Variants in TRPM1 observed in about 807,000 individuals in gnomAD.
TRPM1 encodes TRPM1-203 APA Isoform, Intron 10.
TRPM1 carries 113 observed loss-of-function variants against 149.4 expected under a neutral mutation model. The ratio of observed to expected loss-of-function variants is 0.76; its 90% CI spans 0.65 to 0.88. The LOEUF is 0.88. Among genes scored for constraint, TRPM1 ranks in the 40% least tolerant of loss-of-function variants. The pLI is 0.00. For missense variants in TRPM1, 1,976 were observed against 2,038.7 expected, an observed-to-expected ratio of 0.97 and a Z score of 0.59; for synonymous variants, 741 against 759.5, an observed-to-expected ratio of 0.98 and a Z score of 0.40.
intron 1 of TRPM1, among the ~76,000 whole-genome samples, chr15:31,098,894 C>T (rs1363547636): frequency 4.6e-5 from 7 of 152,000 alleles, no homozygotes; most frequent in African/African-American, 1.4e-4. Flanking sequence ...AGGTGCACAG[C>T]GACAAGGTCT....
chr15:31,117,525 G>T (rs2035816218), intron 1 of TRPM1, among the ~76,000 whole-genome samples: 1 of 151,974 alleles, frequency 6.6e-6, no homozygotes, highest in South Asian at 2.1e-4. Flanking sequence ...GTGCAAGCCT[G>T]TAGTCCCAGC....
intron 7 of TRPM1, 120 bp from the exon 8 acceptor site, chr15:31,063,412 G>C: frequency 1.6e-6 from 2 of 1,287,416 alleles, no homozygotes; most frequent in Non-Finnish European, 2.2e-6. Context: ...GTTCTATCTG[G>C]CTGGAAGGAA....
chr15:31,148,959 G>A (rs1596103079), intron 1 of TRPM1, among the ~76,000 whole-genome samples: 1 of 152,326 alleles, frequency 6.6e-6, no homozygotes, highest in East Asian at 1.9e-4. Context: ...CAGATGCCCT[G>A]CACAGCACAC....
Position 31,040,919 on chromosome 15 carries a change from C to G in TRPM1, c.2088-573G>C, listed in dbSNP as rs59260962. 2.2e-3 allele frequency among the ~76,000 whole-genome samples: 332 copies of G among 152,290 alleles called. 1 individual carries two copies. The highest frequency in any genetic ancestry group is 7.6e-3 in the African/African-American group (315 of 41,540). On this transcript the variant is annotated intron_variant, in intron 17 of 27. Coordinates refer to ENST00000256552, the MANE Select transcript of TRPM1 (RefSeq NM_001252024.2). This position sits in a 1 kb window ranked among gnomAD's most constrained non-coding sequence, Gnocchi z 4.2. Reference sequence around the variant, plus strand: ...TATGCCTTTCTCTGCCCGTGTAACACTTCACCATCACAGTGATTACAGAGA... The same window carrying G: ...TATGCCTTTCTCTGCCCGTGTAACAGTTCACCATCACAGTGATTACAGAGA...
chr15:31,025,776 T>C (rs1259835140), intron 27 of TRPM1, among the ~76,000 whole-genome samples: 1 of 152,182 alleles, frequency 6.6e-6, no homozygotes, highest in Non-Finnish European at 1.5e-5. Context: ...GGCAGTCCCC[T>C]GGGGAGGACC....
At chr15:31,050,351 T>C (rs1298401092) in intron 12 of TRPM1, 58 bp downstream of exon 12, 13 of 1,611,610 alleles carry the variant, frequency 8.1e-6, no homozygotes, top group Non-Finnish European at 1.1e-5. Flanking sequence ...ACAAGAACCA[T>C]CCCTTCCCCT....
At chr15:31,088,854 G>A (rs923972753) in intron 1 of TRPM1, among the ~76,000 whole-genome samples, 1 of 117,314 alleles carries the variant, frequency 8.5e-6, no homozygotes, top group African/African-American at 3.2e-5. Flanking sequence ...GATAAGCCCT[G>A]CTGCGGGTAT....
intron 1 of TRPM1, among the ~76,000 whole-genome samples, chr15:31,099,166 G>A (rs1596070863): frequency 6.6e-6 from 1 of 152,154 alleles, no homozygotes; most frequent in Non-Finnish European, 1.5e-5. Context: ...ACCCATGGCT[G>A]AGTCTAACCT....
chr15:31,046,291 G>T, intron 15 of TRPM1, 58 bp from the exon 16 acceptor site: 1 of 1,491,416 alleles, frequency 6.7e-7, no homozygotes, highest in Non-Finnish European at 9.3e-7. Context: ...AATGTTAGTA[G>T]TACATTAGCA....
At chr15:31,112,426 C>T (rs184066487) in intron 1 of TRPM1, among the ~76,000 whole-genome samples, 190 of 152,220 alleles carry the variant, frequency 1.2e-3, no homozygotes, top group Non-Finnish European at 1.5e-3. Flanking sequence ...TGTGGTGAGC[C>T]GAGATCGTGC....
chr15:31,125,724 C>G (rs1215892082), intron 1 of TRPM1, among the ~76,000 whole-genome samples: 1 of 56,528 alleles, frequency 1.8e-5, no homozygotes, highest in Non-Finnish European at 3.0e-5. Flanking sequence ...AGCGAGACTC[C>G]GTCTCAAAAA....
chr15:31,082,036 C>A (rs964341060), intron 1 of TRPM1, among the ~76,000 whole-genome samples: 3 of 152,140 alleles, frequency 2.0e-5, no homozygotes, highest in Non-Finnish European at 2.9e-5. Flanking sequence ...AATGGCTGAA[C>A]CCACCCTGAC....
chr15:31,147,730 C>T (rs1442891783), intron 1 of TRPM1, among the ~76,000 whole-genome samples: 1 of 152,194 alleles, frequency 6.6e-6, no homozygotes, highest in Admixed American at 6.5e-5. Context: ...TAGACATTTA[C>T]CTGTGTTCAT....
At chr15:31,051,599 A>G (rs1045863270) in intron 11 of TRPM1, among the ~76,000 whole-genome samples, 2 of 152,014 alleles carry the variant, frequency 1.3e-5, no homozygotes, top group African/African-American at 4.8e-5. Flanking sequence ...TCTGGCCACT[A>G]CTTCTCAGTG....
rs1336677753 is a variant in TRPM1, at chr15:31,037,691, T to C, written c.2571+20A>G. 1.2e-6 allele frequency: 2 copies of C among 1,614,230 alleles called. No individual in the cohort carries two copies. The highest frequency in any genetic ancestry group is 1.7e-6 in the Non-Finnish European group (2 of 1,180,026). ...CATTCAAAATATACTGAATGTCAAA[T>C]GTTCAGGAGGAGGCCTCACTGTGTA... On this transcript the variant is annotated intron_variant, in intron 20 of 27. Transcript: ENST00000256552.
chr15:31,056,224 G>A (rs1045705121), intron 11 of TRPM1, among the ~76,000 whole-genome samples: 1 of 152,072 alleles, frequency 6.6e-6, no homozygotes, highest in East Asian at 1.9e-4. Context: ...CCAGATGAAG[G>A]GAAAGAGATA....
intron 1 of TRPM1, among the ~76,000 whole-genome samples, chr15:31,117,987 G>A (rs1202797253): frequency 3.9e-5 from 6 of 152,154 alleles, no homozygotes; most frequent in South Asian, 2.1e-4. Context: ...CAGGCTGGGC[G>A]CAGTGGCTCA....
At chr15:31,129,368 AT>A (rs763186611) in intron 1 of TRPM1, among the ~76,000 whole-genome samples, 5 of 152,174 alleles carry the variant, frequency 3.3e-5, no homozygotes, top group Non-Finnish European at 7.3e-5. Context: ...ACTTTGGGTC[AT>A]TTGGTGGGAC....
chr15:31,035,788 G>T, intron 20 of TRPM1, 114 bp from the exon 21 acceptor site: 1 of 1,480,354 alleles, frequency 6.8e-7, no homozygotes, highest in Admixed American at 1.8e-5. Context: ...TTTCCAACTG[G>T]ACTGACTCAT....
Sources: allele counts gnomAD v4.1 joint callset (sites outside exome capture counted in the v4.1 genomes callset), GRCh38; gene constraint gnomAD v4.1.1; non-coding constraint Gnocchi (gnomAD v3.1); transcripts MANE v1.5; gene names NCBI Gene and HGNC (gene_info 2026-07-23, HGNC 2026-07-21).